The following TECPR2 variants were observed in gnomAD, a reference collection of about 807,000 sequenced individuals.
The protein encoded by TECPR2 is tectonin beta-propeller repeat-containing protein 2.
A neutral mutation model predicts 138.1 loss-of-function variants in TECPR2; 65 were observed. The observed-to-expected ratio is 0.47, with a 90% CI of 0.39 to 0.58. The LOEUF (loss-of-function observed/expected upper bound fraction) is 0.58, where lower values mean the gene tolerates loss of function less well. Among genes scored for constraint, TECPR2 ranks in the 20% least tolerant of loss-of-function variants. The pLI, the probability that TECPR2 is intolerant of heterozygous loss-of-function variation, is 0.00. For missense variants in TECPR2, 1,553 were observed against 1,824.5 expected (o/e 0.85, Z 2.71); for synonymous variants, 746 against 749.8 (o/e 0.99, Z 0.08).
Position 102,420,735 on chromosome 14 carries a change from T to A in TECPR2, c.639-4244T>A, listed in dbSNP as rs1032483242. 6.6e-6 allele frequency among the ~76,000 whole-genome samples: 1 copy of A among 152,166 alleles called. No individual in the cohort carries two copies. The highest frequency in any genetic ancestry group is 1.5e-5 in the Non-Finnish European group (1 of 68,028). On this transcript the variant is annotated intron_variant, in intron 5 of 19. Coordinates refer to ENST00000359520, the MANE Select transcript of TECPR2 (RefSeq NM_014844.5). This position sits in a 1 kb window ranked among gnomAD's most constrained non-coding sequence, Gnocchi z 4.1. ...GTCCTCCCTCCTTGGCCTCCAAAAG[T>A]GCTGGGATTACAGGTGTGAGCCACC... is the stretch of plus-strand genomic sequence containing the variant.
intron 6 of TECPR2, among the ~76,000 whole-genome samples, chr14:102,425,810 G>C (rs1324131158): frequency 6.6e-6 from 1 of 151,188 alleles, no homozygotes; most frequent in Non-Finnish European, 1.5e-5. Flanking sequence ...TCCTGACCTC[G>C]TGATCTGCCC....
intron 2 of TECPR2, among the ~76,000 whole-genome samples, chr14:102,389,452 A>G (rs1888106890): frequency 6.6e-6 from 1 of 152,228 alleles, no homozygotes; most frequent in South Asian, 2.1e-4. Flanking sequence ...AACAAAACTT[A>G]TAGAGCTTTA....
intron 13 of TECPR2, 50 bp downstream of exon 13, chr14:102,445,997 C>T: frequency 1.3e-6 from 2 of 1,558,112 alleles, no homozygotes; most frequent in Non-Finnish European, 8.7e-7. Context: ...ACCTTTTCTG[C>T]TTCCCCTTTT....
rs1175208487 is a variant in TECPR2 at position 102,443,938 on chromosome 14, G to A, written c.2933+111G>A. 7.6e-6 allele frequency: 8 copies of A among 1,052,544 alleles called. No individual in the cohort carries two copies. The highest frequency in any genetic ancestry group is 1.1e-5 in the Non-Finnish European group (8 of 759,522). The allele number at this position is 1,052,544 out of a possible 1,614,324, so 65.2% of individuals were successfully genotyped here. ...CCGTTCCTGGGAGGCAGCACCTGCA[G>A]CCTCCATGGCTATAGGCTAAGCTTG... is the stretch of plus-strand genomic sequence containing the variant. On this transcript the variant is annotated intron_variant, in intron 12 of 19. Transcript: ENST00000359520. This position sits in a 1 kb window ranked among gnomAD's most constrained non-coding sequence, Gnocchi z 4.9.
intron 15 of TECPR2, 113 bp downstream of exon 15, chr14:102,450,762 G>A (rs2139752717): frequency 9.6e-7 from 1 of 1,036,732 alleles, no homozygotes; most frequent in Non-Finnish European, 1.5e-6. Context: ...CTCGGAGACT[G>A]ACCACGTGAG....
intron 17 of TECPR2, among the ~76,000 whole-genome samples, chr14:102,479,388 G>A (rs1305985779): frequency 5.3e-5 from 8 of 152,302 alleles, no homozygotes; most frequent in Admixed American, 4.6e-4. Context: ...GGGAGTGAAG[G>A]ATGCACAAAG....
intron 1 of TECPR2, among the ~76,000 whole-genome samples, chr14:102,371,848 A>G (rs1349200112): frequency 6.6e-6 from 1 of 152,196 alleles, no homozygotes; most frequent in Non-Finnish European, 1.5e-5. Flanking sequence ...CTAGGGGAAT[A>G]TTTAATGACA....
chr14:102,480,126 G>A (rs1405264754), intron 17 of TECPR2, among the ~76,000 whole-genome samples: 13 of 152,144 alleles, frequency 8.5e-5, no homozygotes, highest in African/African-American at 2.9e-4. Flanking sequence ...GCCATCAGAG[G>A]AGCTTATTAA....
At chr14:102,452,679 G>A (rs1457218697) in intron 16 of TECPR2, 52 bp downstream of exon 16, 2 of 1,425,806 alleles carry the variant, frequency 1.4e-6, no homozygotes, top group Non-Finnish European at 1.9e-6. Context: ...CCCTAAACCG[G>A]CATCACAACG....
At chr14:102,417,213 G>C (rs1322752934) in intron 5 of TECPR2, among the ~76,000 whole-genome samples, 2 of 152,214 alleles carry the variant, frequency 1.3e-5, no homozygotes, top group Non-Finnish European at 2.9e-5. Flanking sequence ...GGGGAAATGA[G>C]GGCTAACAGA....
chr14:102,401,876 G>A (rs1888499874), intron 2 of TECPR2, among the ~76,000 whole-genome samples: 1 of 143,402 alleles, frequency 7.0e-6, no homozygotes, highest in African/African-American at 2.6e-5. Context: ...GATAGAAAAA[G>A]ATATTCCATG....
At chr14:102,494,841 A>T (rs1432473906) in intron 17 of TECPR2, among the ~76,000 whole-genome samples, 1 of 151,410 alleles carries the variant, frequency 6.6e-6, no homozygotes, top group Admixed American at 6.6e-5. Context: ...AAAAAAAAAA[A>T]ACTAAACTAG....
intron 17 of TECPR2, among the ~76,000 whole-genome samples, chr14:102,489,679 C>T (rs1349518371): frequency 1.4e-5 from 2 of 141,960 alleles, no homozygotes; most frequent in African/African-American, 2.7e-5. Flanking sequence ...CACTCCAGCC[C>T]GGGCGACAAG....
chr14:102,482,838 CTTTTTTTTTTTTT>C (rs758301929), intron 17 of TECPR2, among the ~76,000 whole-genome samples: 1 of 96,576 alleles, frequency 1.0e-5, no homozygotes, highest in African/African-American at 4.0e-5. Flanking sequence ...AGAAGCCTTT[CTTTTTTTTTTTTT>C]TTTTTTTTTT....
At chr14:102,382,301 A>G (rs933822759) in intron 2 of TECPR2, among the ~76,000 whole-genome samples, 1 of 152,188 alleles carries the variant, frequency 6.6e-6, no homozygotes, top group Non-Finnish European at 1.5e-5. Flanking sequence ...CCCAAAAAAA[A>G]AAAAGAAAGA....
At chr14:102,435,273 C>G in intron 9 of TECPR2, 62 bp downstream of exon 9, 1 of 1,507,336 alleles carries the variant, frequency 6.6e-7, no homozygotes, top group South Asian at 1.3e-5. Flanking sequence ...TAATAATTGT[C>G]AAGACTGATT....
intron 1 of TECPR2, 38 bp from the exon 2 acceptor site, chr14:102,376,612 A>C (rs2139656364): frequency 1.1e-6 from 1 of 945,116 alleles, no homozygotes; most frequent in East Asian, 2.6e-5. Flanking sequence ...TTTTGCCATG[A>C]CTAGGCATTG....
In TECPR2 at chr14:102,424,985, G is replaced by C. The variant is rs1280516450; in HGVS notation, c.645G>C (p.Gly215=). The C allele has an allele frequency of 1.2e-6, 2 of 1,602,964 alleles. No individual in the cohort carries two copies. Among genetic ancestry groups the C allele is most frequent in the South Asian group, 2.2e-5 (2 of 89,604 alleles). ...TTCTTTCTTCTAATTTTAGTACTGGGAAATTTGGTGCTTGTTTTATACCAG... is the reference window on the plus strand; with the variant it reads ...TTCTTTCTTCTAATTTTAGTACTGGCAAATTTGGTGCTTGTTTTATACCAG... ...QIGTQPRKST[G]KFGACFIPGL... is the part of the protein sequence containing the mutation. The change falls in exon 6 of 20, where the codon GGG becomes GGC. Residue 215 remains glycine, a synonymous_variant. Coordinates refer to ENST00000359520, the MANE Select transcript of TECPR2 (RefSeq NM_014844.5).
At position 102,502,081 on chromosome 14, in the gene TECPR2, A is replaced by G. The variant is rs758548709; in HGVS notation, c.*3824A>G. On this transcript the variant is annotated 3_prime_UTR_variant, in exon 20 of 20. Transcript: ENST00000359520. ...ATTTGGGAACAGCCATGTTAACGTG[A>G]GCAAATTCCTCTCATGAAATAGCCT... The G allele has an allele frequency of 1.3e-5, 2 of 152,266 alleles. No individual in the cohort carries two copies. Among genetic ancestry groups the G allele is most frequent in the Non-Finnish European group, 1.5e-5 (1 of 68,052 alleles). 9.4% of individuals were successfully genotyped at this position (152,266 alleles called of 1,614,324 possible). A position where few individuals can be genotyped will look rare whatever the true frequency, so the allele number is the denominator to read the frequency against.
Sources: allele counts gnomAD v4.1 joint callset (sites outside exome capture counted in the v4.1 genomes callset), GRCh38; gene constraint gnomAD v4.1.1; non-coding constraint Gnocchi (gnomAD v3.1); transcripts MANE v1.5; gene names NCBI Gene and HGNC (gene_info 2026-07-23, HGNC 2026-07-21).